The following TGFB2 variants were observed in gnomAD, a reference collection of about 807,000 sequenced individuals.
The protein encoded by TGFB2 is transforming growth factor beta-2 proprotein.
Under a neutral mutation model 42.7 loss-of-function variants are expected in TGFB2, and 13 were observed. That is an observed-to-expected ratio of 0.30 (90% CI 0.20 to 0.48). The LOEUF is 0.48. Ranked by LOEUF, TGFB2 falls within the 20% of genes least tolerant of loss-of-function variation. TGFB2 has a pLI of 0.99. For missense variants in TGFB2, 390 were observed against 517.5 expected (o/e 0.75, Z 2.39); for synonymous variants, 193 against 193.6 (o/e 1.00, Z 0.03).
chr1:218,427,093 A>T (rs1205868196), intron 2 of TGFB2, among the ~76,000 whole-genome samples: 1 of 152,194 alleles, frequency 6.6e-6, no homozygotes, highest in Non-Finnish European at 1.5e-5. Context: ...AAATTAGAAA[A>T]AAAATTATTG....
intron 2 of TGFB2, among the ~76,000 whole-genome samples, chr1:218,433,714 A>G (rs891032919): frequency 2.0e-5 from 3 of 152,166 alleles, no homozygotes; most frequent in Non-Finnish European, 4.4e-5. Context: ...CAACTCCCCA[A>G]ATTAAATAAG....
intron 1 of TGFB2, among the ~76,000 whole-genome samples, chr1:218,348,669 A>G (rs1420626036): frequency 6.6e-6 from 1 of 152,218 alleles, no homozygotes; most frequent in Non-Finnish European, 1.5e-5. Flanking sequence ...GGTGGAGCCA[A>G]GGAGATATTA....
rs73110310 is a variant in TGFB2, at chr1:218,345,988, A to C, written c.-714A>C. Among the ~76,000 whole-genome samples, 15,284 of 151,162 alleles carry C rather than the reference A, an allele frequency of 0.1. 1,569 individuals are homozygous for C. Among genetic ancestry groups the C allele is most frequent in the African/African-American group, 0.27 (10,923 of 41,020 alleles). On this transcript the variant is annotated 5_prime_UTR_variant, in exon 1 of 7. Transcript: ENST00000366930. ...CGGCCCCTGCGGCACCCGACCGAGT[A>C]CCGAGCGCCCTGCGAAGCGCACCCT...
In TGFB2 at chr1:218,443,219, T is replaced by A. The variant is rs1421609626; in HGVS notation, c.*1857T>A. ...AGTTTACCTTGCTTTAATAAATAATTTGCCACATCATTGCAGAAGAGGTAT... is the reference window on the plus strand; with the variant it reads ...AGTTTACCTTGCTTTAATAAATAATATGCCACATCATTGCAGAAGAGGTAT... On this transcript the variant is annotated 3_prime_UTR_variant, in exon 7 of 7. Coordinates refer to ENST00000366930, the MANE Select transcript of TGFB2 (RefSeq NM_003238.6). 6.6e-6 allele frequency: 1 copy of A among 152,206 alleles called. No individual in the cohort carries two copies. Among genetic ancestry groups the A allele is most frequent in the East Asian group, 1.9e-4 (1 of 5,198 alleles). 9.4% of individuals were successfully genotyped at this position (152,206 alleles called of 1,614,324 possible). A position where few individuals can be genotyped will look rare whatever the true frequency, so the allele number is the denominator to read the frequency against.
In TGFB2 at chr1:218,346,622, G is replaced by C; in HGVS notation, c.-80G>C. The C allele has an allele frequency of 7.7e-7, 1 of 1,299,020 alleles. No homozygotes were observed. Among genetic ancestry groups the C allele is most frequent in the Non-Finnish European group, 1.1e-6 (1 of 949,680 alleles). The allele number at this position is 1,299,020 out of a possible 1,614,324, so 80.5% of individuals were successfully genotyped here. A position where few individuals can be genotyped will look rare whatever the true frequency, so the allele number is the denominator to read the frequency against. ...AACAAAAAACCAAACAACTCTCCTTGATCTATACTTTGAGAATTGTTGATT... is the reference window on the plus strand; with the variant it reads ...AACAAAAAACCAAACAACTCTCCTTCATCTATACTTTGAGAATTGTTGATT... On this transcript the variant is annotated 5_prime_UTR_variant, in exon 1 of 7. Coordinates refer to ENST00000366930, the MANE Select transcript of TGFB2 (RefSeq NM_003238.6). This position sits in a 1 kb window ranked among gnomAD's most constrained non-coding sequence, Gnocchi z 4.9.
chr1:218,348,047 T>TAG (rs1296045530), intron 1 of TGFB2, among the ~76,000 whole-genome samples: 2 of 149,762 alleles, frequency 1.3e-5, no homozygotes, highest in African/African-American at 5.0e-5. Context: ...ACAGACAGTG[T>TAG]AGAATGATTT....
intron 1 of TGFB2, among the ~76,000 whole-genome samples, chr1:218,367,503 A>T (rs1423069442): frequency 1.3e-5 from 2 of 152,178 alleles, no homozygotes; most frequent in African/African-American, 4.8e-5. Context: ...GATGTTTTTG[A>T]ACCACCTAAT....
intron 1 of TGFB2, among the ~76,000 whole-genome samples, chr1:218,395,611 C>CTTTTTTTTT (rs35666134): frequency 2.2e-5 from 3 of 138,618 alleles, no homozygotes; most frequent in Non-Finnish European, 3.1e-5. Flanking sequence ...TTTTCTTTTT[C>CTTTTTTTTT]TTTTTTTTTT....
intron 5 of TGFB2, among the ~76,000 whole-genome samples, chr1:218,436,696 A>G (rs763886210): frequency 3.9e-5 from 6 of 152,204 alleles, no homozygotes; most frequent in Non-Finnish European, 7.3e-5. Context: ...TGGTCTCAGT[A>G]AGAGGAGGGC....
chr1:218,347,098 C>T, intron 1 of TGFB2, 51 bp downstream of exon 1: 1 of 1,500,094 alleles, frequency 6.7e-7, no homozygotes, highest in Non-Finnish European at 9.0e-7. Context: ...CTGCCCGGAG[C>T]TCTCAAAACC....
chr1:218,379,524 T>G (rs1657889791), intron 1 of TGFB2, among the ~76,000 whole-genome samples: 1 of 148,266 alleles, frequency 6.7e-6, no homozygotes, highest in African/African-American at 2.5e-5. Context: ...CTGGAACATC[T>G]TTTCTTTAAT....
At chr1:218,383,806 A>G (rs983419049) in intron 1 of TGFB2, among the ~76,000 whole-genome samples, 1 of 152,264 alleles carries the variant, frequency 6.6e-6, no homozygotes, top group Non-Finnish European at 1.5e-5. Context: ...AAAACTTTCC[A>G]TGAAAGGCAT....
intron 2 of TGFB2, among the ~76,000 whole-genome samples, chr1:218,414,226 T>TGCGC (rs10581735): frequency 3.0e-5 from 4 of 132,686 alleles, no homozygotes; most frequent in Non-Finnish European, 4.6e-5. Flanking sequence ...TAAACACATG[T>TGCGC]GCACACACAC....
intron 2 of TGFB2, among the ~76,000 whole-genome samples, chr1:218,417,118 A>T (rs917780299): frequency 6.6e-6 from 1 of 152,254 alleles, no homozygotes; most frequent in African/African-American, 2.4e-5. Context: ...GGAACTGGGT[A>T]ACGAGCAGAG....
rs116919257 is a variant in TGFB2, at chr1:218,422,458, C to T, written c.511-11624C>T. ...CTGGTCTCAAACTTCTGGGCTCAAA[C>T]GATCCTTCCATCTCAGCGTCCCATA... On this transcript the variant is annotated intron_variant, in intron 2 of 6. Transcript: ENST00000366930. 8.7e-4 allele frequency among the ~76,000 whole-genome samples: 133 copies of T among 152,196 alleles called. 1 individual carries two copies. The East Asian group carries it at 9.9e-3, about 11-fold the overall frequency.
chr1:218,386,130 G>GA (rs1375012072), intron 1 of TGFB2, among the ~76,000 whole-genome samples: 1 of 152,102 alleles, frequency 6.6e-6, no homozygotes, highest in Non-Finnish European at 1.5e-5. Flanking sequence ...AAGTACTACA[G>GA]AACAAATCTT....
intron 1 of TGFB2, among the ~76,000 whole-genome samples, chr1:218,383,251 C>T (rs1284335271): frequency 6.6e-6 from 1 of 152,104 alleles, no homozygotes; most frequent in African/African-American, 2.4e-5. Flanking sequence ...ACTATGAGCT[C>T]GAATGGAGCC....
In TGFB2 at chr1:218,345,672, C is replaced by A. The variant is rs1259374353; in HGVS notation, c.-1030C>A. ...GGAAAGGGTGGGAGTCCAAGGGAGCCCCTGCGCAACCCCCTCAGGAATAAA... is the reference window on the plus strand; with the variant it reads ...GGAAAGGGTGGGAGTCCAAGGGAGCACCTGCGCAACCCCCTCAGGAATAAA... On this transcript the variant is annotated 5_prime_UTR_variant, in exon 1 of 7. Coordinates refer to ENST00000366930, the MANE Select transcript of TGFB2 (RefSeq NM_003238.6). 1.3e-5 allele frequency: 2 copies of A among 152,534 alleles called. No homozygotes were observed. The highest frequency in any genetic ancestry group is 2.4e-5 in the African/African-American group (1 of 41,432). 9.4% of individuals were successfully genotyped at this position (152,534 alleles called of 1,614,324 possible).
At chr1:218,381,832 GGTGT>G (rs140110561) in intron 1 of TGFB2, among the ~76,000 whole-genome samples, 49 of 151,364 alleles carry the variant, frequency 3.2e-4, no homozygotes, top group African/African-American at 8.5e-4. Flanking sequence ...TGTGTGTAGG[GGTGT>G]GTGTGTGTGT....
Sources: gnomAD v4.1 joint callset for allele counts (sites outside exome capture counted in the v4.1 genomes callset) on GRCh38, gnomAD v4.1.1 for gene constraint, Gnocchi (gnomAD v3.1) non-coding constraint, MANE v1.5 for transcripts, NCBI Gene and HGNC (gene_info 2026-07-23, HGNC 2026-07-21) for gene names.